Variants in STARD13 observed in about 807,000 individuals in gnomAD.
STARD13 encodes stAR-related lipid transfer protein 13.
A neutral mutation model predicts 106.4 loss-of-function variants in STARD13; 62 were observed. The ratio of observed to expected loss-of-function variants is 0.58; its 90% confidence interval spans 0.48 to 0.72. STARD13 has a LOEUF of 0.72. Among genes scored for constraint, STARD13 ranks in the 30% least tolerant of loss-of-function variants. STARD13 has a pLI of 0.00. For synonymous variants in STARD13, 565 were observed against 553.0 expected, an observed-to-expected ratio of 1.02 and a Z score of -0.31; for missense variants, 1,387 against 1,424.0, an observed-to-expected ratio of 0.97 and a Z score of 0.42.
chr13:33,568,862 G>T, the STARD13 span, among the ~76,000 whole-genome samples: 4 of 148,216 alleles, frequency 2.7e-5, 1 homozygote, highest in African/African-American at 9.9e-5. Flanking sequence ...TTATACATTT[G>T]AGCTTTATAT....
chr13:33,511,150 C>T, the STARD13 span, among the ~76,000 whole-genome samples: 1 of 151,842 alleles, frequency 6.6e-6, no homozygotes, highest in African/African-American at 2.4e-5. Flanking sequence ...CTTCTCTACT[C>T]AAAATACAAA....
At chr13:33,355,128 T>A (rs925932869), upstream of STARD13, 2 of 152,240 alleles carry the variant, frequency 1.3e-5, no homozygotes, top group Non-Finnish European at 2.9e-5. Context: ...TAAATAACTT[T>A]GACAAATGAA....
At chr13:33,290,417 G>A (rs574738693), upstream of STARD13, among the ~76,000 whole-genome samples, 1 of 152,312 alleles carries the variant, frequency 6.6e-6, no homozygotes, top group Non-Finnish European at 1.5e-5. Context: ...TGTGATGTGT[G>A]TGCCCAACTC....
chr13:33,588,326 A>G, the STARD13 span, among the ~76,000 whole-genome samples: 1 of 152,184 alleles, frequency 6.6e-6, no homozygotes, highest in African/African-American at 2.4e-5. Context: ...TTTCTAATAG[A>G]AGGTCTTAGA....
intron 1 of STARD13, among the ~76,000 whole-genome samples, chr13:33,183,376 T>C (rs1885432590): frequency 6.6e-6 from 1 of 152,194 alleles, no homozygotes; most frequent in African/African-American, 2.4e-5. Context: ...ATTGATTTAT[T>C]CCCTGCAAAG....
At chr13:33,541,973 G>A in the STARD13 span, among the ~76,000 whole-genome samples, 1 of 152,094 alleles carries the variant, frequency 6.6e-6, no homozygotes, top group Non-Finnish European at 1.5e-5. Context: ...TGCACAAGAG[G>A]CTTTCCTTTA....
At chr13:33,122,970 C>T (rs1876572064) in intron 7 of STARD13, among the ~76,000 whole-genome samples, 1 of 144,290 alleles carries the variant, frequency 6.9e-6, no homozygotes, top group Admixed American at 7.4e-5. Context: ...GCAGAAGAAT[C>T]ACTTGAACCC....
intron 7 of STARD13, among the ~76,000 whole-genome samples, chr13:33,123,812 T>G (rs2138133663): frequency 6.6e-6 from 1 of 152,296 alleles, no homozygotes; most frequent in East Asian, 1.9e-4. Flanking sequence ...GAGGCGAGTG[T>G]TTAGCACGGG....
intron 1 of STARD13, among the ~76,000 whole-genome samples, chr13:33,242,771 TA>T (rs1594155904): frequency 2.0e-5 from 3 of 151,854 alleles, no homozygotes; most frequent in Non-Finnish European, 4.4e-5. Context: ...AAATAAAAAA[TA>T]AAAAAAGTAT....
the STARD13 span, among the ~76,000 whole-genome samples, chr13:33,378,984 C>T: frequency 6.6e-6 from 1 of 151,890 alleles, no homozygotes; most frequent in Non-Finnish European, 1.5e-5. Flanking sequence ...ATGGCATTTG[C>T]CTGTGGTCCC....
chr13:33,158,268 C>T (rs1882211523), intron 3 of STARD13, among the ~76,000 whole-genome samples: 1 of 152,128 alleles, frequency 6.6e-6, no homozygotes, highest in Admixed American at 6.6e-5. Flanking sequence ...CTTGGTCCTC[C>T]CTGCCAGACA....
intron 2 of STARD13, among the ~76,000 whole-genome samples, chr13:33,166,746 GC>G (rs1156774258): frequency 1.3e-5 from 2 of 152,150 alleles, no homozygotes; most frequent in African/African-American, 4.8e-5. Flanking sequence ...TGTAATCTCA[GC>G]ACTTAGGGAG....
chr13:33,125,944 A>G (rs1877092208), intron 7 of STARD13, 137 bp downstream of exon 7: 1 of 879,820 alleles, frequency 1.1e-6, no homozygotes, highest in Non-Finnish European at 1.7e-6. Flanking sequence ...ATTGCTACAT[A>G]AAGGTCACAA....
chr13:33,602,561 A>G, the STARD13 span, among the ~76,000 whole-genome samples: 1 of 152,218 alleles, frequency 6.6e-6, no homozygotes, highest in African/African-American at 2.4e-5. Context: ...TGTCAATTTA[A>G]GGACAGCAGT....
At chr13:33,161,967 C>T (rs1882681412) in intron 3 of STARD13, among the ~76,000 whole-genome samples, 2 of 152,076 alleles carry the variant, frequency 1.3e-5, no homozygotes, top group Non-Finnish European at 2.9e-5. Flanking sequence ...GGGGAAACTG[C>T]CCCCCATGAT....
intron 1 of STARD13, among the ~76,000 whole-genome samples, chr13:33,178,723 A>G (rs1884953236): frequency 6.6e-6 from 1 of 152,102 alleles, no homozygotes; most frequent in South Asian, 2.1e-4. Context: ...CTTGTCTTTG[A>G]CCTTCTGCAT....
At chr13:33,582,618 A>G in the STARD13 span, among the ~76,000 whole-genome samples, 2 of 152,200 alleles carry the variant, frequency 1.3e-5, no homozygotes, top group Admixed American at 1.3e-4. Context: ...TATTTTTGAT[A>G]TTTGTTATCA....
the STARD13 span, among the ~76,000 whole-genome samples, chr13:33,426,285 T>C: frequency 2.0e-5 from 3 of 152,248 alleles, no homozygotes; most frequent in Admixed American, 6.5e-5. Context: ...ACATCATACA[T>C]AAATAAAGCC....
At chr13:33,162,181 G>A (rs1882710533) in intron 3 of STARD13, among the ~76,000 whole-genome samples, 1 of 152,154 alleles carries the variant, frequency 6.6e-6, no homozygotes, top group African/African-American at 2.4e-5. Flanking sequence ...TAACCCAAAA[G>A]TCCATAGTCC....
Sources: allele counts gnomAD v4.1 joint callset (sites outside exome capture counted in the v4.1 genomes callset), GRCh38; gene constraint gnomAD v4.1.1; transcripts MANE v1.5; gene names NCBI Gene and HGNC (gene_info 2026-07-23, HGNC 2026-07-21).